DENND1A: variants seen among roughly 807,000 people sequenced by gnomAD.
DENND1A encodes DENN domain containing 1A.
In DENND1A, 51 loss-of-function variants were observed where a neutral mutation model predicts 113.7. The ratio of observed to expected loss-of-function variants is 0.45; its 90% CI spans 0.36 to 0.57. The LOEUF is 0.57. DENND1A is among the 20% of genes least tolerant of loss of function. The pLI is 0.00. For synonymous variants in DENND1A, 565 were observed against 570.8 expected (o/e 0.99, Z 0.14); for missense variants, 1,258 against 1,395.9 (o/e 0.90, Z 1.57).
intron 1 of DENND1A, among the ~76,000 whole-genome samples, chr9:123,887,946 G>A (rs980756541): frequency 6.6e-6 from 1 of 152,160 alleles, no homozygotes; most frequent in Non-Finnish European, 1.5e-5. Context: ...TATATAACTT[G>A]ATAGAAAAAT....
intron 13 of DENND1A, among the ~76,000 whole-genome samples, chr9:123,508,755 T>TA (rs565886962): frequency 6.6e-6 from 1 of 152,050 alleles, no homozygotes; most frequent in South Asian, 2.1e-4. Flanking sequence ...TAATTGTATC[T>TA]AAAAAAAAGT....
At chr9:123,475,165 C>G (rs1344932767) in intron 13 of DENND1A, among the ~76,000 whole-genome samples, 1 of 152,056 alleles carries the variant, frequency 6.6e-6, no homozygotes. Context: ...ATTACAGGCG[C>G]CCGCCAACAC....
chr9:123,667,210 C>A (rs183893518), intron 7 of DENND1A, 131 bp from the exon 8 acceptor site: 5 of 839,148 alleles, frequency 6.0e-6, no homozygotes, highest in East Asian at 3.0e-5. Context: ...AGAAGAAACA[C>A]CCATGGAATA....
At chr9:123,587,344 A>G (rs1306814084) in intron 11 of DENND1A, among the ~76,000 whole-genome samples, 1 of 152,212 alleles carries the variant, frequency 6.6e-6, no homozygotes, top group East Asian at 1.9e-4. Context: ...TTAAAACAGA[A>G]ACACAATCTT....
At position 123,660,456 on chromosome 9, in the gene DENND1A, A is replaced by T. The variant is rs886552540; in HGVS notation, c.507+6570T>A. On this transcript the variant is annotated intron_variant, in intron 8 of 23. Coordinates refer to ENST00000394215, the MANE Select transcript of DENND1A (RefSeq NM_001352964.2). ...TGGAGGTAAGGCTATGAGAAGACTT[A>T]AAAAAAAAAACTTCCTAATCTCAAT... Among the ~76,000 whole-genome samples the T allele has an allele frequency of 1.8e-4, 16 of 90,030 alleles. No homozygotes were observed. In the Admixed American group the frequency reaches 1.9e-3, roughly 11 times the overall value. The allele number at this position is 90,030 out of a possible 152,430, so 59.1% of individuals were successfully genotyped here. A position where few individuals can be genotyped will look rare whatever the true frequency, so the allele number is the denominator to read the frequency against.
At chr9:123,514,312 G>C (rs1377038077) in intron 13 of DENND1A, among the ~76,000 whole-genome samples, 1 of 152,130 alleles carries the variant, frequency 6.6e-6, no homozygotes, top group African/African-American at 2.4e-5. Flanking sequence ...CAGGGTGTCA[G>C]AGCCTGAGGG....
At chr9:123,644,047 C>A (rs1341202194) in intron 9 of DENND1A, among the ~76,000 whole-genome samples, 1 of 152,084 alleles carries the variant, frequency 6.6e-6, no homozygotes, top group Non-Finnish European at 1.5e-5. Flanking sequence ...GGATGCTGGC[C>A]TGGTTTTAAT....
At chr9:123,525,878 C>T (rs914131648) in intron 13 of DENND1A, among the ~76,000 whole-genome samples, 3 of 151,520 alleles carry the variant, frequency 2.0e-5, no homozygotes, top group Non-Finnish European at 4.4e-5. Context: ...CCCACCTCAG[C>T]CCCTTAGTCA....
chr9:123,402,514 G>A (rs1407348229), intron 21 of DENND1A: 2 of 534,670 alleles, frequency 3.7e-6, no homozygotes, highest in Admixed American at 1.9e-5. Flanking sequence ...AGACATGGGG[G>A]CCTCCCCCTT....
At chr9:123,448,206 T>C (rs1468229166) in intron 18 of DENND1A, among the ~76,000 whole-genome samples, 2 of 152,128 alleles carry the variant, frequency 1.3e-5, no homozygotes, top group Non-Finnish European at 2.9e-5. Context: ...TTAGATACTA[T>C]CAAGGAACAG....
At chr9:123,692,669 A>C (rs1319770558) in intron 5 of DENND1A, among the ~76,000 whole-genome samples, 1 of 152,234 alleles carries the variant, frequency 6.6e-6, no homozygotes, top group African/African-American at 2.4e-5. Flanking sequence ...GTGATATAAA[A>C]GATAGCAAAG....
At chr9:123,591,523 G>A (rs529897598) in intron 11 of DENND1A, among the ~76,000 whole-genome samples, 1 of 152,336 alleles carries the variant, frequency 6.6e-6, no homozygotes, top group South Asian at 2.1e-4. Flanking sequence ...CCCTCTCTAG[G>A]ATGGAGGTTG....
intron 2 of DENND1A, among the ~76,000 whole-genome samples, chr9:123,860,479 A>C (rs1844906094): frequency 6.6e-6 from 1 of 152,212 alleles, no homozygotes; most frequent in Non-Finnish European, 1.5e-5. Flanking sequence ...AGCAAAAACT[A>C]ACACTCATTA....
chr9:123,594,021 C>A (rs1183754007), intron 11 of DENND1A, among the ~76,000 whole-genome samples: 1 of 152,188 alleles, frequency 6.6e-6, no homozygotes, highest in Non-Finnish European at 1.5e-5. Context: ...ACCATGATTG[C>A]AAGTTTCCTG....
At chr9:123,750,318 G>A (rs2069903054) in intron 5 of DENND1A, among the ~76,000 whole-genome samples, 1 of 152,170 alleles carries the variant, frequency 6.6e-6, no homozygotes, top group Non-Finnish European at 1.5e-5. Context: ...GCATCTGTAT[G>A]GCAATAAAAC....
chr9:123,805,920 C>A (rs1301584078), intron 2 of DENND1A, among the ~76,000 whole-genome samples: 4 of 152,060 alleles, frequency 2.6e-5, no homozygotes, highest in Non-Finnish European at 5.9e-5. Flanking sequence ...CATATAAGTA[C>A]CTAACAGTAA....
In DENND1A at chr9:123,442,947, A is replaced by G. The variant is rs543102620; in HGVS notation, c.1357-2456T>C. Among the ~76,000 whole-genome samples, 7 of 152,280 alleles carry G rather than the reference A, an allele frequency of 4.6e-5. No individual in the cohort carries two copies. In the South Asian group the frequency reaches 1.5e-3, roughly 32 times the overall value. Reference sequence around the variant, plus strand: ...ACAGCACTGTGCAAATTGAACCTCAATTTGCAAAACGGAGAGAGCACCTGC... The same window carrying G: ...ACAGCACTGTGCAAATTGAACCTCAGTTTGCAAAACGGAGAGAGCACCTGC... On this transcript the variant is annotated intron_variant, in intron 18 of 23. Coordinates refer to ENST00000394215, the MANE Select transcript of DENND1A (RefSeq NM_001352964.2).
intron 2 of DENND1A, among the ~76,000 whole-genome samples, chr9:123,802,304 C>T (rs1432408460): frequency 6.6e-6 from 1 of 152,136 alleles, no homozygotes; most frequent in Non-Finnish European, 1.5e-5. Context: ...TCATTAGAGC[C>T]ACTTACAGGC....
At chr9:123,573,908 T>C (rs2058489607) in intron 12 of DENND1A, among the ~76,000 whole-genome samples, 1 of 152,028 alleles carries the variant, frequency 6.6e-6, no homozygotes, top group Non-Finnish European at 1.5e-5. Flanking sequence ...TTCTAGATGC[T>C]CTCTATCACA....
Sources: gnomAD v4.1 joint callset for allele counts (sites outside exome capture counted in the v4.1 genomes callset) on GRCh38, gnomAD v4.1.1 for gene constraint, MANE v1.5 for transcripts, NCBI Gene and HGNC (gene_info 2026-07-23, HGNC 2026-07-21) for gene names.